Variants in SLC35F1 observed in about 807,000 individuals in gnomAD.
SLC35F1 encodes the protein chromosome 6 open reading frame 169.
Under a neutral mutation model 48.7 loss-of-function variants are expected in SLC35F1, and 14 were observed. The ratio of observed to expected loss-of-function variants is 0.29; its 90% CI spans 0.19 to 0.45. The LOEUF is 0.45. SLC35F1 is among the 20% of genes least tolerant of loss of function. The pLI is 1.00. For synonymous variants in SLC35F1, 190 were observed against 202.2 expected, an observed-to-expected ratio of 0.94 and a Z score of 0.51; for missense variants, 404 against 500.0, an observed-to-expected ratio of 0.81 and a Z score of 1.83.
chr6:118,241,361 G>A (rs1195773752), intron 3 of SLC35F1, among the ~76,000 whole-genome samples: 2 of 152,108 alleles, frequency 1.3e-5, no homozygotes, highest in Admixed American at 1.3e-4. Context: ...CACACTTATG[G>A]TTAAATGTCA....
chr6:118,196,761 G>T (rs1278385114), intron 2 of SLC35F1, among the ~76,000 whole-genome samples: 1 of 151,994 alleles, frequency 6.6e-6, no homozygotes, highest in Non-Finnish European at 1.5e-5. Flanking sequence ...ATAAATCATT[G>T]TCAAGACCAA....
intron 1 of SLC35F1, among the ~76,000 whole-genome samples, chr6:118,012,009 A>G (rs1777255389): frequency 1.3e-5 from 2 of 152,228 alleles, no homozygotes; most frequent in African/African-American, 4.8e-5. Context: ...ATTTTAAAAA[A>G]TGATATTAAT....
At chr6:118,281,372 C>A (rs1775983147) in intron 6 of SLC35F1, among the ~76,000 whole-genome samples, 1 of 152,046 alleles carries the variant, frequency 6.6e-6, no homozygotes, top group Non-Finnish European at 1.5e-5. Context: ...AGTTACTTAA[C>A]CCCTGTAAGC....
At chr6:118,250,748 T>C (rs1167080387) in intron 3 of SLC35F1, among the ~76,000 whole-genome samples, 1 of 146,524 alleles carries the variant, frequency 6.8e-6, no homozygotes, top group Non-Finnish European at 1.5e-5. Context: ...CCAAGGCGGG[T>C]GGATAACTTC....
chr6:118,115,304 CAT>C (rs1436557170), intron 1 of SLC35F1, among the ~76,000 whole-genome samples: 1 of 152,070 alleles, frequency 6.6e-6, no homozygotes, highest in Admixed American at 6.6e-5. Context: ...GCACTGACCA[CAT>C]AGCAGGCATG....
At position 118,317,332 on chromosome 6, in the gene SLC35F1, TGTTTA is replaced by T. The variant is rs1483275382; in HGVS notation, c.*3087_*3091del. 1.3e-5 allele frequency: 2 copies of T among 152,230 alleles called. No homozygotes were observed. Among genetic ancestry groups the T allele is most frequent in the African/African-American group, 2.4e-5 (1 of 41,458 alleles). The allele number at this position is 152,230 out of a possible 1,614,324, so 9.4% of individuals were successfully genotyped here. ...ACCGTGTCCCATGAAATTGTTTCAA[TGTTTA>T]GTTTAGATATTGCTAACTTGTGCTA... On this transcript the variant is annotated 3_prime_UTR_variant, in exon 8 of 8. Transcript: ENST00000360388.
intron 3 of SLC35F1, among the ~76,000 whole-genome samples, chr6:118,237,644 C>T (rs960647834): frequency 7.2e-5 from 11 of 152,156 alleles, no homozygotes; most frequent in African/African-American, 2.4e-4. Flanking sequence ...CCCACCTCAG[C>T]CTCCTAAAGT....
At chr6:118,152,312 A>C (rs1489842234) in intron 1 of SLC35F1, among the ~76,000 whole-genome samples, 1 of 152,220 alleles carries the variant, frequency 6.6e-6, no homozygotes, top group Non-Finnish European at 1.5e-5. Context: ...AATAAGGGAA[A>C]CAGAGGGTCA....
intron 2 of SLC35F1, among the ~76,000 whole-genome samples, chr6:118,159,989 A>C (rs1328340163): frequency 6.6e-6 from 1 of 152,078 alleles, no homozygotes; most frequent in African/African-American, 2.4e-5. Context: ...TGTTTCTCTA[A>C]TTCCTTTTTG....
At position 117,923,752 on chromosome 6, in the gene SLC35F1, T is replaced by TATACAC. The variant is rs1775968173; in HGVS notation, c.173+15856_173+15857insCACATA. Among the ~76,000 whole-genome samples the TATACAC allele has an allele frequency of 1.2e-4, 7 of 57,022 alleles. 1 individual carries two copies. Among genetic ancestry groups the TATACAC allele is most frequent in the Admixed American group, 5.6e-4 (2 of 3,556 alleles). 37.4% of individuals were successfully genotyped at this position (57,022 alleles called of 152,430 possible). A position where few individuals can be genotyped will look rare whatever the true frequency, so the allele number is the denominator to read the frequency against. On this transcript the variant is annotated intron_variant, in intron 1 of 7. Transcript: ENST00000360388. ...ATATGTATATATACATATATGTACA[T>TATACAC]ATATACATATGCACATACATATGTA...
intron 2 of SLC35F1, among the ~76,000 whole-genome samples, chr6:118,220,838 T>C (rs1487029407): frequency 6.6e-6 from 1 of 152,226 alleles, no homozygotes; most frequent in African/African-American, 2.4e-5. Flanking sequence ...TACTTTGTTA[T>C]CTTCATTCCA....
intron 2 of SLC35F1, among the ~76,000 whole-genome samples, chr6:118,176,026 T>C (rs169542): frequency 0.029 from 4,358 of 152,206 alleles, 117 homozygotes; most frequent in African/African-American, 0.061. Context: ...TTTGAGCTCA[T>C]TGGATTCCAG....
At chr6:118,079,203 T>C (rs1772869487) in intron 1 of SLC35F1, among the ~76,000 whole-genome samples, 1 of 152,166 alleles carries the variant, frequency 6.6e-6, no homozygotes, top group African/African-American at 2.4e-5. Flanking sequence ...CTCTTCATTT[T>C]CCCTTCCTCT....
At chr6:118,025,954 G>A (rs1389022162) in intron 1 of SLC35F1, among the ~76,000 whole-genome samples, 1 of 152,150 alleles carries the variant, frequency 6.6e-6, no homozygotes, top group Non-Finnish European at 1.5e-5. Flanking sequence ...CAAATAAAGA[G>A]CAAATTTAAT....
At chr6:118,293,732 C>T (rs746673919) in intron 7 of SLC35F1, among the ~76,000 whole-genome samples, 4 of 152,364 alleles carry the variant, frequency 2.6e-5, no homozygotes, top group Non-Finnish European at 4.4e-5. Context: ...TCTCTGCCTA[C>T]AGACACTATG....
rs1389362798 is a variant in SLC35F1, at chr6:118,314,836, C to T, written c.*584C>T. The stretch of plus-strand genomic sequence containing the variant: ...GCTCAATAAGTATTTTGTGCTGTGA[C>T]CTTTGTGGGGAGGGGCAACTGACCA... On this transcript the variant is annotated 3_prime_UTR_variant, in exon 8 of 8. Transcript: ENST00000360388. The T allele has an allele frequency of 1.9e-5, 3 of 154,506 alleles. No individual in the cohort carries two copies. Among genetic ancestry groups the T allele is most frequent in the African/African-American group, 7.2e-5 (3 of 41,390 alleles). The allele number at this position is 154,506 out of a possible 1,614,324, so 9.6% of individuals were successfully genotyped here. A position where few individuals can be genotyped will look rare whatever the true frequency, so the allele number is the denominator to read the frequency against.
chr6:118,299,610 G>A (rs1776232753), intron 7 of SLC35F1, among the ~76,000 whole-genome samples: 1 of 152,180 alleles, frequency 6.6e-6, no homozygotes, highest in Non-Finnish European at 1.5e-5. Flanking sequence ...TCAAAGCAGT[G>A]ATTAGCATAA....
chr6:118,017,709 C>G (rs936501583), intron 1 of SLC35F1, among the ~76,000 whole-genome samples: 2 of 152,134 alleles, frequency 1.3e-5, no homozygotes, highest in African/African-American at 2.4e-5. Flanking sequence ...ATAAAGTGCT[C>G]TAAGTTAAGT....
intron 2 of SLC35F1, among the ~76,000 whole-genome samples, chr6:118,182,354 G>A (rs750891220): frequency 5.3e-5 from 8 of 151,596 alleles, no homozygotes; most frequent in Non-Finnish European, 1.0e-4. Context: ...GCCAGGAGTG[G>A]TGGCACACCT....
Sources: allele counts gnomAD v4.1 joint callset (sites outside exome capture counted in the v4.1 genomes callset), GRCh38; gene constraint gnomAD v4.1.1; transcripts MANE v1.5; gene names NCBI Gene and HGNC (gene_info 2026-07-23, HGNC 2026-07-21).